RUNX1: variants seen among roughly 807,000 people sequenced by gnomAD.
The protein encoded by RUNX1 is runt-related transcription factor 1.
A neutral mutation model predicts 42.8 loss-of-function variants in RUNX1; 19 were observed. That is an observed-to-expected ratio of 0.44 (90% CI 0.31 to 0.65). RUNX1 has a LOEUF of 0.65. RUNX1 is among the 30% of genes least tolerant of loss of function. RUNX1 has a pLI of 0.07. For synonymous variants in RUNX1, 271 were observed against 289.4 expected (o/e 0.94, Z 0.64); for missense variants, 528 against 672.0 (o/e 0.79, Z 2.37).
intron 5 of RUNX1, among the ~76,000 whole-genome samples, chr21:34,869,348 T>C (rs972011413): frequency 1.3e-5 from 2 of 152,138 alleles, no homozygotes; most frequent in African/African-American, 4.8e-5. Flanking sequence ...TGAACACAGA[T>C]GGGGAGACTG....
At chr21:34,919,235 G>C (rs1230433886) in intron 2 of RUNX1, among the ~76,000 whole-genome samples, 1 of 152,084 alleles carries the variant, frequency 6.6e-6, no homozygotes. Context: ...TGTTTCCCTT[G>C]GTACTCAAAC....
At chr21:34,857,242 T>C (rs2057506974) in intron 6 of RUNX1, among the ~76,000 whole-genome samples, 1 of 152,210 alleles carries the variant, frequency 6.6e-6, no homozygotes, top group Non-Finnish European at 1.5e-5. Context: ...ATCCCTTCTG[T>C]CTGCTCAGAG....
intron 2 of RUNX1, among the ~76,000 whole-genome samples, chr21:34,972,334 T>C (rs1325731074): frequency 6.6e-6 from 1 of 152,232 alleles, no homozygotes; most frequent in African/African-American, 2.4e-5. Context: ...ATTAAATAAA[T>C]AGAAGTTTTA....
chr21:34,834,063 G>T, intron 7 of RUNX1: 1 of 473,934 alleles, frequency 2.1e-6, no homozygotes, highest in Non-Finnish European at 4.0e-6. Context: ...AAGCCTAATG[G>T]GTAGGTAAAA....
At chr21:35,021,157 A>T (rs1423122292) in intron 2 of RUNX1, among the ~76,000 whole-genome samples, 1 of 152,222 alleles carries the variant, frequency 6.6e-6, no homozygotes, top group African/African-American at 2.4e-5. Flanking sequence ...GGAGCCAGAA[A>T]GTCTGAGTCA....
chr21:34,889,448 C>A (rs774725736), intron 3 of RUNX1, among the ~76,000 whole-genome samples: 1 of 152,284 alleles, frequency 6.6e-6, no homozygotes, highest in East Asian at 1.9e-4. Context: ...TTGCTGCGTG[C>A]GTCAGCGGCC....
chr21:34,797,926 G>C (rs906272296), intron 8 of RUNX1: 1 of 433,830 alleles, frequency 2.3e-6, no homozygotes, highest in Non-Finnish European at 4.7e-6. Context: ...TAGAGGCCAA[G>C]GATGCTGCTA....
At chr21:35,035,093 G>A (rs2294163) in intron 2 of RUNX1, among the ~76,000 whole-genome samples, 25,538 of 152,194 alleles carry the variant, frequency 0.17, 2,657 homozygotes, top group East Asian at 0.37. Context: ...AAGAAAATGG[G>A]AAAGTCCAGT....
At chr21:34,856,934 C>T (rs2057502203) in intron 6 of RUNX1, among the ~76,000 whole-genome samples, 1 of 152,172 alleles carries the variant, frequency 6.6e-6, no homozygotes, top group South Asian at 2.1e-4. Context: ...ATAGAAAGTT[C>T]CCACCCTGAA....
intron 2 of RUNX1, among the ~76,000 whole-genome samples, chr21:34,921,095 G>C (rs1466148879): frequency 1.3e-5 from 2 of 152,190 alleles, no homozygotes; most frequent in Admixed American, 1.3e-4. Flanking sequence ...CTGACCTCAA[G>C]TGATTTGCCT....
chr21:34,822,172 A>G (rs1323060772), intron 7 of RUNX1, among the ~76,000 whole-genome samples: 1 of 152,210 alleles, frequency 6.6e-6, no homozygotes, highest in East Asian at 1.9e-4. Context: ...CTGGTTAATC[A>G]CTTACATGAT....
At chr21:34,834,351 G>A in intron 7 of RUNX1, 59 bp downstream of exon 7, 1 of 1,555,238 alleles carries the variant, frequency 6.4e-7, no homozygotes, top group Non-Finnish European at 8.9e-7. Flanking sequence ...ATGGGGGCCA[G>A]TTGTGGGTGG....
At chr21:34,880,298 GTTTC>G (rs963469870) in intron 5 of RUNX1, among the ~76,000 whole-genome samples, 2 of 151,970 alleles carry the variant, frequency 1.3e-5, no homozygotes, top group Non-Finnish European at 2.9e-5. Context: ...AATCTCAGGC[GTTTC>G]TTTGAAATTC....
intron 7 of RUNX1, among the ~76,000 whole-genome samples, chr21:34,810,660 C>T (rs1227815465): frequency 6.6e-6 from 1 of 152,136 alleles, no homozygotes; most frequent in Non-Finnish European, 1.5e-5. Context: ...CTCAGTTTCC[C>T]CCCATAAGGA....
intron 6 of RUNX1, among the ~76,000 whole-genome samples, chr21:34,855,675 C>T (rs1467060916): frequency 6.6e-6 from 1 of 152,136 alleles, no homozygotes; most frequent in African/African-American, 2.4e-5. Flanking sequence ...TGCCACTGCA[C>T]CCCAGCCTGG....
chr21:34,789,474 C>G lies in RUNX1; in HGVS notation c.*2661G>C, dbSNP rs1048008738. 1 of 233,558 alleles carries G rather than the reference C, an allele frequency of 4.3e-6. No individual in the cohort carries two copies. The highest frequency in any genetic ancestry group is 2.2e-5 in the African/African-American group (1 of 45,310). The allele number at this position is 233,558 out of a possible 1,614,324, so 14.5% of individuals were successfully genotyped here. A position where few individuals can be genotyped will look rare whatever the true frequency, so the allele number is the denominator to read the frequency against. ...TTCAATACTTCTCCTGGACCAGACA[C>G]ATGCAGTTATTACATGATTGGCTTA... On this transcript the variant is annotated 3_prime_UTR_variant, in exon 9 of 9. Coordinates refer to ENST00000675419, the MANE Select transcript of RUNX1 (RefSeq NM_001754.5).
rs568471204 is a variant in RUNX1 at position 34,883,358 on chromosome 21, G to A, written c.352-2645C>T. On this transcript the variant is annotated intron_variant, in intron 4 of 8. Transcript: ENST00000675419. ...TTGGTGGAGGCGGGTGGGTAAAGGG[G>A]AACTAGTAAATCCAGGGCAATTCAT... 2.6e-5 allele frequency among the ~76,000 whole-genome samples: 4 copies of A among 152,134 alleles called. No individual in the cohort carries two copies. In the East Asian group the frequency reaches 7.7e-4, roughly 29 times the overall value.
At chr21:34,916,395 G>A (rs2058312571) in intron 2 of RUNX1, among the ~76,000 whole-genome samples, 1 of 152,194 alleles carries the variant, frequency 6.6e-6, no homozygotes, top group Admixed American at 6.5e-5. Context: ...AATTTGAGGG[G>A]TAACATTTGA....
intron 5 of RUNX1, among the ~76,000 whole-genome samples, chr21:34,865,310 G>A (rs1049700403): frequency 2.0e-5 from 3 of 150,664 alleles, no homozygotes; most frequent in Non-Finnish European, 3.0e-5. Flanking sequence ...GTGTGTGTGT[G>A]TGTGTGTGTG....
Sources: gnomAD v4.1 joint callset for allele counts (sites outside exome capture counted in the v4.1 genomes callset) on GRCh38, gnomAD v4.1.1 for gene constraint, MANE v1.5 for transcripts, NCBI Gene and HGNC (gene_info 2026-07-23, HGNC 2026-07-21) for gene names.